Variants in WDR70 observed in about 807,000 individuals in gnomAD.
WDR70 encodes WD repeat-containing protein 70.
A neutral mutation model predicts 88.6 loss-of-function variants in WDR70; 53 were observed. That is an observed-to-expected ratio of 0.60 (90% confidence interval 0.48 to 0.75). The LOEUF is 0.75. WDR70 is among the 30% of genes least tolerant of loss of function. WDR70 has a pLI of 0.00. For missense variants in WDR70, 610 were observed against 823.2 expected (o/e 0.74, Z 3.17); for synonymous variants, 280 against 270.0 (o/e 1.04, Z -0.36).
chr5:37,686,074 C>T (rs568456278), intron 10 of WDR70, among the ~76,000 whole-genome samples: 9 of 152,274 alleles, frequency 5.9e-5, no homozygotes, highest in South Asian at 2.1e-4. Flanking sequence ...GAAGCCTAGG[C>T]GGGAAGATCG....
intron 13 of WDR70, among the ~76,000 whole-genome samples, chr5:37,705,640 T>TAA (rs200037162): frequency 6.9e-6 from 1 of 144,132 alleles, no homozygotes; most frequent in Admixed American, 6.9e-5. Context: ...TCTTGGAATG[T>TAA]AAAAAAAAAA....
At chr5:37,623,406 T>G (rs749367186) in intron 10 of WDR70, among the ~76,000 whole-genome samples, 4 of 152,164 alleles carry the variant, frequency 2.6e-5, no homozygotes, top group Non-Finnish European at 5.9e-5. Context: ...GTAAACTAGA[T>G]GCTTTCAGAG....
At chr5:37,561,185 T>C (rs983511865) in intron 9 of WDR70, among the ~76,000 whole-genome samples, 1 of 152,180 alleles carries the variant, frequency 6.6e-6, no homozygotes, top group Non-Finnish European at 1.5e-5. Context: ...ATGTCTCGTT[T>C]CACTGGTATT....
chr5:37,516,614 T>C, intron 9 of WDR70, 24 bp downstream of exon 9: 2 of 1,502,528 alleles, frequency 1.3e-6, no homozygotes, highest in African/African-American at 1.4e-5. Flanking sequence ...ATAATTCATC[T>C]AATACATTCA....
intron 3 of WDR70, among the ~76,000 whole-genome samples, chr5:37,387,273 T>C (rs1748650105): frequency 6.6e-6 from 1 of 152,160 alleles, no homozygotes; most frequent in African/African-American, 2.4e-5. Context: ...TGGAAGTTTC[T>C]TGAAGAGATT....
At chr5:37,746,708 G>C (rs543224103) in intron 17 of WDR70, among the ~76,000 whole-genome samples, 3 of 152,222 alleles carry the variant, frequency 2.0e-5, no homozygotes, top group Non-Finnish European at 4.4e-5. Context: ...ACCCTCCCAA[G>C]ACTAACCCAG....
chr5:37,723,523 G>A (rs1277569002), intron 15 of WDR70: 1 of 152,396 alleles, frequency 6.6e-6, no homozygotes, highest in African/African-American at 2.4e-5. Flanking sequence ...TGTTCCCAGA[G>A]CCACAATCTC....
intron 5 of WDR70, among the ~76,000 whole-genome samples, chr5:37,424,348 G>T (rs1208918297): frequency 6.7e-6 from 1 of 149,584 alleles, no homozygotes; most frequent in Non-Finnish European, 1.5e-5. Flanking sequence ...TTGACCAAAA[G>T]ACATGCCAAA....
intron 7 of WDR70, among the ~76,000 whole-genome samples, chr5:37,475,645 T>G (rs1739457593): frequency 6.6e-6 from 1 of 152,196 alleles, no homozygotes; most frequent in Non-Finnish European, 1.5e-5. Flanking sequence ...TAATTCACAC[T>G]CTCCATATAA....
At chr5:37,391,349 A>G (rs1240220800) in intron 3 of WDR70, among the ~76,000 whole-genome samples, 1 of 152,194 alleles carries the variant, frequency 6.6e-6, no homozygotes, top group Non-Finnish European at 1.5e-5. Flanking sequence ...CATCACCACC[A>G]TCCATCTCTA....
intron 10 of WDR70, among the ~76,000 whole-genome samples, chr5:37,686,598 C>T (rs981951891): frequency 4.0e-5 from 6 of 151,848 alleles, no homozygotes; most frequent in East Asian, 1.9e-4. Flanking sequence ...ACCAGCCAGG[C>T]GTGGTGGCTT....
chr5:37,550,367 T>G (rs1318798438), intron 9 of WDR70, among the ~76,000 whole-genome samples: 1 of 152,222 alleles, frequency 6.6e-6, no homozygotes, highest in African/African-American at 2.4e-5. Flanking sequence ...TTTCTGAATG[T>G]TTTAAGACTT....
intron 8 of WDR70, among the ~76,000 whole-genome samples, chr5:37,499,587 T>TTCTCTCTCTCTCTCTCTCTCTCTCTCTC (rs72226896): frequency 2.4e-5 from 1 of 41,856 alleles, no homozygotes; most frequent in African/African-American, 5.9e-5. Context: ...TTTGGAAATA[T>TTCTCTCTCTCTCTCTCTCTCTCTCTCTC]TCTCTCTCTC....
intron 8 of WDR70, among the ~76,000 whole-genome samples, chr5:37,485,858 A>ATTTTTTTTTTTTTTTTTTTTTTTTTTT (rs57109943): frequency 1.8e-5 from 2 of 108,288 alleles, no homozygotes; most frequent in African/African-American, 7.9e-5. Context: ...TGCCTGGCTA[A>ATTTTTTTTTTTTTTTTTTTTTTTTTTT]TTTTTTTTTT....
At chr5:37,409,870 T>C (rs189429349) in intron 5 of WDR70, among the ~76,000 whole-genome samples, 6 of 152,320 alleles carry the variant, frequency 3.9e-5, no homozygotes, top group Admixed American at 6.5e-5. Flanking sequence ...TTTTCACAAC[T>C]ATTATAATTC....
chr5:37,598,661 A>G (rs1431780324), intron 9 of WDR70, among the ~76,000 whole-genome samples: 1 of 152,212 alleles, frequency 6.6e-6, no homozygotes, highest in African/African-American at 2.4e-5. Context: ...CTATGATTTT[A>G]TGGCTCCAGT....
intron 3 of WDR70, among the ~76,000 whole-genome samples, chr5:37,386,202 C>T (rs1010720007): frequency 1.3e-5 from 2 of 152,232 alleles, no homozygotes; most frequent in Middle Eastern, 3.4e-3. Flanking sequence ...CTATCTGAGG[C>T]ATTTACAAAT....
At chr5:37,687,938 C>G in intron 10 of WDR70, 4 of 694,932 alleles carry the variant, frequency 5.8e-6, no homozygotes, top group Non-Finnish European at 1.1e-5. Context: ...TCATATGGAA[C>G]TGTCTGCATG....
chr5:37,505,831 C>T lies in WDR70; in HGVS notation c.841-10683C>T, dbSNP rs980828832. On this transcript the variant is annotated intron_variant, in intron 8 of 17. Transcript: ENST00000265107. ...TCTAAATTGGTTCCTGCCAGAGTTG[C>T]TCCTCTGAGGTTACAATTCTTCAAC... 3.2e-5 allele frequency: 44 copies of T among 1,381,166 alleles called. No individual in the cohort carries two copies. In the African/African-American group the frequency reaches 5.6e-4, roughly 17 times the overall value. 85.6% of individuals were successfully genotyped at this position (1,381,166 alleles called of 1,614,324 possible).
Sources: gnomAD v4.1 joint callset for allele counts (sites outside exome capture counted in the v4.1 genomes callset) on GRCh38, gnomAD v4.1.1 for gene constraint, MANE v1.5 for transcripts, NCBI Gene and HGNC (gene_info 2026-07-23, HGNC 2026-07-21) for gene names.